SLX4IP: variants seen among roughly 807,000 people sequenced by gnomAD.
SLX4IP encodes SLX4 interacting protein, also known as protein SLX4IP.
SLX4IP carries 34 observed loss-of-function variants against 32.9 expected under a neutral mutation model. That is an observed-to-expected ratio of 1.03 (90% CI 0.79 to 1.38). The LOEUF (loss-of-function observed/expected upper bound fraction) is 1.38, where lower values mean the gene tolerates loss of function less well. Ranked by LOEUF, SLX4IP falls within the 40% of genes most tolerant of loss-of-function variation. The probability of loss-of-function intolerance (pLI) is 0.00; values close to 1 mark genes in which losing one functional copy is unlikely to be tolerated. For synonymous variants in SLX4IP, 172 were observed against 171.7 expected (o/e 1.00, Z -0.01); for missense variants, 444 against 479.0 (o/e 0.93, Z 0.68).
intron 2 of SLX4IP, among the ~76,000 whole-genome samples, chr20:10,464,057 CAT>C (rs2065360714): frequency 2.0e-5 from 3 of 152,156 alleles, no homozygotes; most frequent in Admixed American, 2.0e-4. Context: ...GTAGGATAAA[CAT>C]AGTGTTTAGA....
chr20:10,507,910 A>ATT (rs35973873), intron 2 of SLX4IP, among the ~76,000 whole-genome samples: 4 of 149,832 alleles, frequency 2.7e-5, no homozygotes, highest in African/African-American at 9.8e-5. Flanking sequence ...TCCTTTATAT[A>ATT]TATATATATA....
intron 2 of SLX4IP, among the ~76,000 whole-genome samples, chr20:10,468,313 G>A (rs1406108912): frequency 6.6e-6 from 1 of 152,114 alleles, no homozygotes; most frequent in African/African-American, 2.4e-5. Context: ...GGACCTCTGT[G>A]CCTCTCTTCT....
chr20:10,455,909 C>T (rs538530842), intron 1 of SLX4IP, among the ~76,000 whole-genome samples: 1 of 152,088 alleles, frequency 6.6e-6, no homozygotes, highest in Admixed American at 6.6e-5. Flanking sequence ...CCGTGCCTGG[C>T]CTATATGTCT....
chr20:10,573,708 A>T (rs2066491793), intron 4 of SLX4IP, among the ~76,000 whole-genome samples: 1 of 152,148 alleles, frequency 6.6e-6, no homozygotes, highest in African/African-American at 2.4e-5. Context: ...TAGACATTGT[A>T]TTTTTTCTAT....
At chr20:10,608,034 GA>G (rs2066923833) in intron 6 of SLX4IP, among the ~76,000 whole-genome samples, 2 of 152,322 alleles carry the variant, frequency 1.3e-5, no homozygotes, top group East Asian at 1.9e-4. Flanking sequence ...GGATAAGTTG[GA>G]ATAGGATGTA....
intron 2 of SLX4IP, among the ~76,000 whole-genome samples, chr20:10,513,898 C>G (rs1414323027): frequency 6.6e-6 from 1 of 152,122 alleles, no homozygotes; most frequent in Non-Finnish European, 1.5e-5. Context: ...TACTTTAGGC[C>G]CCCTACTTCT....
chr20:10,593,902 C>T (rs544901988), intron 4 of SLX4IP, among the ~76,000 whole-genome samples: 2 of 152,172 alleles, frequency 1.3e-5, no homozygotes, highest in South Asian at 4.1e-4. Context: ...GGATCCGATT[C>T]AAAGGAAAAT....
intron 1 of SLX4IP, among the ~76,000 whole-genome samples, chr20:10,438,326 C>T (rs1037825719): frequency 1.3e-5 from 2 of 151,620 alleles, no homozygotes; most frequent in African/African-American, 4.9e-5. Context: ...GCCAGTGAAA[C>T]CATCACCTCA....
At chr20:10,524,689 C>T (rs2065927290) in intron 2 of SLX4IP, among the ~76,000 whole-genome samples, 1 of 152,172 alleles carries the variant, frequency 6.6e-6, no homozygotes, top group African/African-American at 2.4e-5. Flanking sequence ...GTTGTATGTA[C>T]AGAAGTCAGC....
chr20:10,451,459 C>T (rs1208268066), intron 1 of SLX4IP, among the ~76,000 whole-genome samples: 1 of 152,012 alleles, frequency 6.6e-6, no homozygotes, highest in African/African-American at 2.4e-5. Context: ...CGCGCCTGGC[C>T]GTGTTTTTCT....
intron 4 of SLX4IP, among the ~76,000 whole-genome samples, chr20:10,594,201 T>G (rs1402930031): frequency 6.6e-6 from 1 of 152,218 alleles, no homozygotes; most frequent in Non-Finnish European, 1.5e-5. Flanking sequence ...TCTGAATGTT[T>G]GAAATGTTTC....
chr20:10,555,442 A>C (rs2066257028), intron 2 of SLX4IP, among the ~76,000 whole-genome samples: 2 of 152,216 alleles, frequency 1.3e-5, no homozygotes, highest in Admixed American at 1.3e-4. Flanking sequence ...CACTAGCTAC[A>C]TGTAGCTACT....
intron 2 of SLX4IP, 50 bp from the exon 3 acceptor site, chr20:10,556,181 T>C (rs761730729): frequency 1.3e-6 from 2 of 1,532,352 alleles, no homozygotes; most frequent in Non-Finnish European, 1.8e-6. Context: ...TCTCATTGTT[T>C]GCTGGGCATG....
chr20:10,464,703 G>A (rs6133942), intron 2 of SLX4IP, among the ~76,000 whole-genome samples: 1 of 152,180 alleles, frequency 6.6e-6, no homozygotes, highest in Non-Finnish European at 1.5e-5. Flanking sequence ...TTTATTCTAA[G>A]ACTGCCCTTG....
At chr20:10,506,014 C>T (rs1314405776) in intron 2 of SLX4IP, among the ~76,000 whole-genome samples, 2 of 152,132 alleles carry the variant, frequency 1.3e-5, no homozygotes, top group Non-Finnish European at 2.9e-5. Context: ...GCCACTTAAG[C>T]ATGTAAACAG....
chr20:10,548,797 T>A (rs1424570543), intron 2 of SLX4IP, among the ~76,000 whole-genome samples: 2 of 152,212 alleles, frequency 1.3e-5, no homozygotes, highest in Non-Finnish European at 2.9e-5. Flanking sequence ...AATGCAATAA[T>A]GTACAGAAAG....
chr20:10,543,256 G>C (rs925429782), intron 2 of SLX4IP, among the ~76,000 whole-genome samples: 1 of 152,180 alleles, frequency 6.6e-6, no homozygotes, highest in African/African-American at 2.4e-5. Flanking sequence ...CAACGTTTTT[G>C]ACCTGAACTG....
At chr20:10,621,022 T>C (rs2067105063) in intron 6 of SLX4IP, among the ~76,000 whole-genome samples, 1 of 152,196 alleles carries the variant, frequency 6.6e-6, no homozygotes, top group Non-Finnish European at 1.5e-5. Flanking sequence ...GCCTCACAGA[T>C]ACCAGATATT....
At chr20:10,552,472 T>G (rs1195204903) in intron 2 of SLX4IP, among the ~76,000 whole-genome samples, 1 of 151,704 alleles carries the variant, frequency 6.6e-6, no homozygotes, top group Non-Finnish European at 1.5e-5. Context: ...AGCAGGGAAC[T>G]TTGGAAAGGC....
Sources: gnomAD v4.1 joint callset for allele counts (sites outside exome capture counted in the v4.1 genomes callset) on GRCh38, gnomAD v4.1.1 for gene constraint, MANE v1.5 for transcripts, NCBI Gene and HGNC (gene_info 2026-07-23, HGNC 2026-07-21) for gene names.